PRKN: variants seen among roughly 807,000 people sequenced by gnomAD.
PRKN encodes parkin RBR E3 ubiquitin protein ligase, also known as E3 ubiquitin-protein ligase parkin.
PRKN carries 56 observed loss-of-function variants against 59.5 expected under a neutral mutation model. The ratio of observed to expected loss-of-function variants is 0.94; its 90% CI spans 0.76 to 1.18. The LOEUF (loss-of-function observed/expected upper bound fraction) is 1.18, where lower values mean the gene tolerates loss of function less well. PRKN is among the 50% of genes most tolerant of loss of function. PRKN has a pLI of 0.00. For synonymous variants in PRKN, 250 were observed against 222.1 expected (o/e 1.13, Z -1.12); for missense variants, 657 against 596.4 (o/e 1.10, Z -1.06).
At chr6:162,574,761 TAA>T (rs1190836521) in intron 1 of PRKN, among the ~76,000 whole-genome samples, 8 of 59,294 alleles carry the variant, frequency 1.3e-4, no homozygotes, top group South Asian at 7.8e-4. Context: ...TGAATGATAC[TAA>T]GTTGTTTTTT....
At chr6:162,571,534 T>C (rs891580446) in intron 1 of PRKN, among the ~76,000 whole-genome samples, 2 of 152,160 alleles carry the variant, frequency 1.3e-5, no homozygotes, top group African/African-American at 2.4e-5. Context: ...TGGTTGAATG[T>C]AGGCACTCAG....
intron 1 of PRKN, among the ~76,000 whole-genome samples, chr6:162,564,985 T>C (rs1369967478): frequency 6.6e-6 from 1 of 152,114 alleles, no homozygotes; most frequent in African/African-American, 2.4e-5. Context: ...AACTGTGGTG[T>C]GTAAACTACT....
chr6:162,513,613 T>C (rs1395289598), intron 1 of PRKN, among the ~76,000 whole-genome samples: 1 of 152,090 alleles, frequency 6.6e-6, no homozygotes, highest in Non-Finnish European at 1.5e-5. Context: ...TTTTCATGAC[T>C]GGACTGTCAA....
Position 161,388,944 on chromosome 6 carries a change from T to A in PRKN, c.1084-2067A>T, listed in dbSNP as rs1786385230. Among the ~76,000 whole-genome samples the A allele has an allele frequency of 6.6e-6, 1 of 152,244 alleles. No homozygotes were observed. Among genetic ancestry groups the A allele is most frequent in the African/African-American group, 2.4e-5 (1 of 41,472 alleles). On this transcript the variant is annotated intron_variant, in intron 9 of 11. Transcript: ENST00000366898. This position sits in a 1 kb window ranked among gnomAD's most constrained non-coding sequence, Gnocchi z 4.3. The stretch of plus-strand genomic sequence containing the variant: ...TGGTTTTTACACAGCAATAAATAAC[T>A]GATACAGTAATAAATAAGAATATAA...
At chr6:162,041,534 C>T (rs1418828377) in intron 5 of PRKN, among the ~76,000 whole-genome samples, 1 of 152,162 alleles carries the variant, frequency 6.6e-6, no homozygotes, top group African/African-American at 2.4e-5. Context: ...GATTGGTTCT[C>T]ACCATTTCAA....
chr6:162,296,666 T>C (rs12197815), intron 2 of PRKN, among the ~76,000 whole-genome samples: 2,473 of 152,186 alleles, frequency 0.016, 38 homozygotes, highest in Middle Eastern at 0.024. Flanking sequence ...TGTGCTCAGA[T>C]TGCAAATGTA....
chr6:161,380,715 G>A (rs1785936450), intron 10 of PRKN, among the ~76,000 whole-genome samples: 1 of 152,118 alleles, frequency 6.6e-6, no homozygotes, highest in Non-Finnish European at 1.5e-5. Context: ...ACACAACGTT[G>A]CAGCCAAAAT....
chr6:162,688,474 G>A (rs1009984628), intron 1 of PRKN, among the ~76,000 whole-genome samples: 3 of 152,110 alleles, frequency 2.0e-5, no homozygotes, highest in Non-Finnish European at 2.9e-5. Context: ...TAGGTCAATT[G>A]TATTAGATAA....
Position 161,444,053 on chromosome 6 carries a change from A to G in PRKN, c.1084-57176T>C, listed in dbSNP as rs1002881762. ...CGCCAGGCTTAGGCCTTAGGCAGAC[A>G]AAGAGCAAAAGTGTGGGAGGCTGGG... On this transcript the variant is annotated intron_variant, in intron 9 of 11. Coordinates refer to ENST00000366898, the MANE Select transcript of PRKN (RefSeq NM_004562.3). This position sits in a 1 kb window ranked among gnomAD's most constrained non-coding sequence, Gnocchi z 5.6. Among the ~76,000 whole-genome samples the G allele has an allele frequency of 2.6e-5, 4 of 152,222 alleles. No individual in the cohort carries two copies. Among genetic ancestry groups the G allele is most frequent in the African/African-American group, 9.6e-5 (4 of 41,472 alleles).
chr6:161,973,224 A>C, intron 6 of PRKN, 78 bp downstream of exon 6: 1 of 916,004 alleles, frequency 1.1e-6, no homozygotes, highest in South Asian at 1.3e-5. Flanking sequence ...TGGGAAAGTA[A>C]GGAGGGGGGA....
intron 4 of PRKN, among the ~76,000 whole-genome samples, chr6:162,159,152 T>C (rs1234323610): frequency 2.6e-5 from 4 of 151,024 alleles, no homozygotes; most frequent in African/African-American, 9.9e-5. Flanking sequence ...TTGCCTTGCC[T>C]ATCTCTATCT....
intron 1 of PRKN, among the ~76,000 whole-genome samples, chr6:162,552,694 G>A (rs1779378824): frequency 6.6e-6 from 1 of 152,052 alleles, no homozygotes; most frequent in South Asian, 2.1e-4. Flanking sequence ...GCTGAGAGGA[G>A]AGCTGAGCTG....
At chr6:161,853,806 A>G (rs1218157041) in intron 6 of PRKN, among the ~76,000 whole-genome samples, 1 of 152,214 alleles carries the variant, frequency 6.6e-6, no homozygotes, top group Non-Finnish European at 1.5e-5. Flanking sequence ...CACAAAAGAC[A>G]GGCTTTTATC....
At chr6:162,635,684 G>C (rs1479047946) in intron 1 of PRKN, among the ~76,000 whole-genome samples, 1 of 151,890 alleles carries the variant, frequency 6.6e-6, no homozygotes, top group Admixed American at 6.6e-5. Flanking sequence ...TATGATTTAA[G>C]AGTTTGTTGA....
chr6:162,707,095 A>G (rs1409978804), intron 1 of PRKN, among the ~76,000 whole-genome samples: 1 of 149,836 alleles, frequency 6.7e-6, no homozygotes. Context: ...TAAATTTCTA[A>G]TACATATAAA....
chr6:162,317,108 T>C (rs1782783904), intron 2 of PRKN, among the ~76,000 whole-genome samples: 1 of 151,954 alleles, frequency 6.6e-6, no homozygotes. Context: ...TTAAAGCATA[T>C]CATTTACCAA....
chr6:162,273,252 A>T (rs1780473808), intron 2 of PRKN, among the ~76,000 whole-genome samples: 1 of 152,130 alleles, frequency 6.6e-6, no homozygotes, highest in Non-Finnish European at 1.5e-5. Context: ...AATGGGTTAA[A>T]GGGATCGAAT....
rs571721249 is a variant in PRKN, at chr6:161,821,881, T to G, written c.735-35973A>C. Among the ~76,000 whole-genome samples the G allele has an allele frequency of 6.1e-4, 92 of 151,932 alleles. No individual in the cohort carries two copies. In the South Asian group the frequency reaches 0.011, roughly 19 times the overall value. Reference sequence around the variant, plus strand: ...CTCCTGCCTCAGCCTCCCCAGTAGCTGGGACTACAGATGTGCATCACCATG... The same window carrying G: ...CTCCTGCCTCAGCCTCCCCAGTAGCGGGGACTACAGATGTGCATCACCATG... On this transcript the variant is annotated intron_variant, in intron 6 of 11. Coordinates refer to ENST00000366898, the MANE Select transcript of PRKN (RefSeq NM_004562.3).
At chr6:161,998,536 T>C (rs768810429) in intron 5 of PRKN, among the ~76,000 whole-genome samples, 35 of 152,170 alleles carry the variant, frequency 2.3e-4, no homozygotes, top group Non-Finnish European at 3.1e-4. Flanking sequence ...GCAATTCACA[T>C]GTGGCCAGGG....
Sources: allele counts gnomAD v4.1 joint callset (sites outside exome capture counted in the v4.1 genomes callset), GRCh38; gene constraint gnomAD v4.1.1; non-coding constraint Gnocchi (gnomAD v3.1); transcripts MANE v1.5; gene names NCBI Gene and HGNC (gene_info 2026-07-23, HGNC 2026-07-21).